CA10: variants seen among roughly 807,000 people sequenced by gnomAD.
CA10 encodes the protein carbonic anhydrase 10 (inactive), also known as carbonic anhydrase-related protein 10.
Under a neutral mutation model 44.2 loss-of-function variants are expected in CA10, and 14 were observed. That is an observed-to-expected ratio of 0.32 (90% CI 0.21 to 0.50). The LOEUF is 0.50. Among genes scored for constraint, CA10 ranks in the 20% least tolerant of loss-of-function variants. The probability of loss-of-function intolerance (pLI) is 0.99; values close to 1 mark genes in which losing one functional copy is unlikely to be tolerated. For missense variants in CA10, 350 were observed against 409.7 expected (o/e 0.85, Z 1.26); for synonymous variants, 159 against 141.6 (o/e 1.12, Z -0.87).
intron 4 of CA10, among the ~76,000 whole-genome samples, chr17:51,692,617 C>A (rs932606563): frequency 3.3e-5 from 5 of 152,076 alleles, no homozygotes; most frequent in African/African-American, 1.2e-4. Flanking sequence ...TTGTCTTGTT[C>A]CAGCTCTCAT....
At chr17:52,150,723 A>G (rs1322575463) in intron 1 of CA10, among the ~76,000 whole-genome samples, 2 of 152,196 alleles carry the variant, frequency 1.3e-5, no homozygotes, top group African/African-American at 4.8e-5. Context: ...TTTATGTCAA[A>G]TAGTGTATCT....
chr17:51,899,789 T>G (rs1310609062), intron 3 of CA10, among the ~76,000 whole-genome samples: 2 of 152,040 alleles, frequency 1.3e-5, no homozygotes, highest in African/African-American at 4.8e-5. Flanking sequence ...CCCTTAGCCA[T>G]TATATAATGC....
chr17:51,682,179 C>T (rs975310458), intron 4 of CA10, among the ~76,000 whole-genome samples: 6 of 152,192 alleles, frequency 3.9e-5, no homozygotes, highest in Non-Finnish European at 5.9e-5. Context: ...CTCTTGAAAA[C>T]TCTGGCCATG....
At chr17:51,877,535 G>C (rs1980132440) in intron 3 of CA10, among the ~76,000 whole-genome samples, 1 of 152,098 alleles carries the variant, frequency 6.6e-6, no homozygotes, top group South Asian at 2.1e-4. Flanking sequence ...TCTCTGTAAT[G>C]CATTAGCAGA....
chr17:52,044,345 C>T (rs1986850752), intron 2 of CA10, among the ~76,000 whole-genome samples: 1 of 151,976 alleles, frequency 6.6e-6, no homozygotes, highest in South Asian at 2.1e-4. Flanking sequence ...CCTCTGTTGC[C>T]CATGCTGGGG....
At chr17:52,047,493 CT>C (rs1358625371) in intron 2 of CA10, among the ~76,000 whole-genome samples, 1 of 152,014 alleles carries the variant, frequency 6.6e-6, no homozygotes, top group Non-Finnish European at 1.5e-5. Flanking sequence ...TTTCACAAGT[CT>C]TAAATTTTAG....
At chr17:51,961,580 G>T (rs961575997) in intron 2 of CA10, among the ~76,000 whole-genome samples, 2 of 152,144 alleles carry the variant, frequency 1.3e-5, no homozygotes, top group East Asian at 1.9e-4. Flanking sequence ...TGACCAAAGA[G>T]AGAAGTAGCA....
intron 6 of CA10, among the ~76,000 whole-genome samples, chr17:51,646,426 G>A (rs1913339593): frequency 6.6e-6 from 1 of 152,118 alleles, no homozygotes; most frequent in Non-Finnish European, 1.5e-5. Flanking sequence ...GTGCAGTTCT[G>A]GGTAGCAACA....
At chr17:52,157,268 C>T (rs1715042764) in intron 1 of CA10, among the ~76,000 whole-genome samples, 3 of 152,114 alleles carry the variant, frequency 2.0e-5, no homozygotes. Flanking sequence ...CTGGTACTCT[C>T]CAGTCCCGCA....
At chr17:52,132,448 T>C (rs764135889) in intron 1 of CA10, among the ~76,000 whole-genome samples, 32 of 152,198 alleles carry the variant, frequency 2.1e-4, no homozygotes, top group Non-Finnish European at 4.7e-4. Context: ...GGAACTGTTG[T>C]GAGCTATGTG....
intron 3 of CA10, among the ~76,000 whole-genome samples, chr17:51,920,474 A>T (rs1261762406): frequency 6.6e-6 from 1 of 152,180 alleles, no homozygotes; most frequent in Admixed American, 6.5e-5. Context: ...GAAATAAAGG[A>T]ACATGATGCA....
chr17:52,063,000 G>A (rs1987431294), intron 2 of CA10, among the ~76,000 whole-genome samples: 1 of 152,230 alleles, frequency 6.6e-6, no homozygotes, highest in South Asian at 2.1e-4. Flanking sequence ...GAAAAACTGT[G>A]GGGGCAGGGC....
chr17:52,116,778 T>A (rs1173114025), intron 1 of CA10, among the ~76,000 whole-genome samples: 1 of 152,164 alleles, frequency 6.6e-6, no homozygotes, highest in African/African-American at 2.4e-5. Context: ...TTTTTACCAG[T>A]TGGGCTTTTG....
chr17:52,030,989 T>C (rs1986449646), intron 2 of CA10, among the ~76,000 whole-genome samples: 1 of 152,162 alleles, frequency 6.6e-6, no homozygotes, highest in Admixed American at 6.5e-5. Flanking sequence ...CTTCTCAGCC[T>C]TGATAATTAC....
chr17:51,775,106 A>AG (rs1199335559), intron 3 of CA10, among the ~76,000 whole-genome samples: 1 of 152,042 alleles, frequency 6.6e-6, no homozygotes, highest in Admixed American at 6.6e-5. Flanking sequence ...ACTCCTCTAA[A>AG]GGGGGAGGGG....
chr17:51,916,964 A>G (rs761665226), intron 3 of CA10, among the ~76,000 whole-genome samples: 5 of 152,120 alleles, frequency 3.3e-5, no homozygotes, highest in Non-Finnish European at 5.9e-5. Flanking sequence ...CAGCTACAAT[A>G]GTTGGTGATC....
intron 4 of CA10, among the ~76,000 whole-genome samples, chr17:51,659,975 G>T (rs534731954): frequency 9.9e-5 from 15 of 152,212 alleles, no homozygotes; most frequent in Admixed American, 8.5e-4. Context: ...GCAAGCATTT[G>T]CTGAATGAAT....
At chr17:51,912,388 T>C (rs1981825111) in intron 3 of CA10, among the ~76,000 whole-genome samples, 1 of 152,198 alleles carries the variant, frequency 6.6e-6, no homozygotes, top group Non-Finnish European at 1.5e-5. Context: ...TAGGGACCCC[T>C]GGAGTCCAAG....
chr17:51,673,500 G>C (rs1858835), intron 4 of CA10, among the ~76,000 whole-genome samples: 1 of 152,116 alleles, frequency 6.6e-6, no homozygotes, highest in East Asian at 1.9e-4. Context: ...CGCCTACTGA[G>C]ACTCTTTTGT....
Sources: allele counts gnomAD v4.1 joint callset (sites outside exome capture counted in the v4.1 genomes callset), GRCh38; gene constraint gnomAD v4.1.1; transcripts MANE v1.5; gene names NCBI Gene and HGNC (gene_info 2026-07-23, HGNC 2026-07-21).